Variants in ADGRV1 observed in about 807,000 individuals in gnomAD.
ADGRV1 encodes adhesion G protein-coupled receptor V1, also known as G-protein coupled receptor 98.
In ADGRV1, 359 loss-of-function variants were observed where a neutral mutation model predicts 596.2. The ratio of observed to expected loss-of-function variants is 0.60; its 90% CI spans 0.55 to 0.66. The LOEUF (loss-of-function observed/expected upper bound fraction) is 0.66. Among genes scored for constraint, ADGRV1 ranks in the 30% least tolerant of loss-of-function variants. The probability of loss-of-function intolerance (pLI) is 0.00; values close to 1 mark genes in which losing one functional copy is unlikely to be tolerated. For synonymous variants in ADGRV1, 2,681 were observed against 2,679.2 expected (o/e 1.00, Z -0.02); for missense variants, 7,274 against 7,575.6 (o/e 0.96, Z 1.48).
chr5:90,844,632 C>T (rs117745537), intron 78 of ADGRV1, among the ~76,000 whole-genome samples: 2 of 152,300 alleles, frequency 1.3e-5, no homozygotes, highest in East Asian at 3.9e-4. Context: ...TCAATTTCGT[C>T]AGGTTTTGAT....
intron 85 of ADGRV1, among the ~76,000 whole-genome samples, chr5:90,998,635 A>G (rs1383982577): frequency 6.6e-6 from 1 of 152,060 alleles, no homozygotes; most frequent in Admixed American, 6.6e-5. Flanking sequence ...ATATTTTTAT[A>G]GGGAAAATTT....
intron 85 of ADGRV1, among the ~76,000 whole-genome samples, chr5:90,988,873 G>T (rs1293156828): frequency 2.1e-5 from 3 of 142,628 alleles, no homozygotes; most frequent in Non-Finnish European, 4.5e-5. Context: ...TCCCACCTAT[G>T]AGTAAGAACA....
chr5:90,982,543 G>A (rs1240393888), intron 84 of ADGRV1, among the ~76,000 whole-genome samples: 2 of 152,228 alleles, frequency 1.3e-5, no homozygotes, highest in African/African-American at 4.8e-5. Context: ...CATTGAAATT[G>A]TAAAGGCATT....
At chr5:90,966,572 A>C (rs879789021) in intron 84 of ADGRV1, among the ~76,000 whole-genome samples, 11 of 151,090 alleles carry the variant, frequency 7.3e-5, no homozygotes, top group Admixed American at 1.3e-4. Context: ...AAAGAAATGC[A>C]CTGGGAAGCT....
At chr5:90,644,556 A>G in intron 14 of ADGRV1, 150 bp from the exon 15 acceptor site, 1 of 601,408 alleles carries the variant, frequency 1.7e-6, no homozygotes, top group Non-Finnish European at 2.9e-6. Flanking sequence ...ATATTTTTAT[A>G]TGTACCTTAA....
At chr5:90,767,739 C>T (rs993859369) in intron 59 of ADGRV1, among the ~76,000 whole-genome samples, 3 of 150,398 alleles carry the variant, frequency 2.0e-5, no homozygotes, top group African/African-American at 7.4e-5. Context: ...AGCACAGAAA[C>T]GAATACCTTT....
At position 90,625,273 on chromosome 5, in the gene ADGRV1, C is replaced by G. The variant is rs555037066; in HGVS notation, c.672+30C>G. ...GCTAATGTTACATACCCAAATGGGA[C>G]AAGGATTCTGTGTTGCAGGACACAG... On this transcript the variant is annotated intron_variant, in intron 6 of 89. Coordinates refer to ENST00000405460, the MANE Select transcript of ADGRV1 (RefSeq NM_032119.4). 2.5e-5 allele frequency: 34 copies of G among 1,382,218 alleles called. 1 individual carries two copies. In the East Asian group the frequency reaches 7.6e-4, roughly 31 times the overall value. 85.6% of individuals were successfully genotyped at this position (1,382,218 alleles called of 1,614,324 possible).
chr5:91,147,244 A>C (rs2126877874), intron 87 of ADGRV1, among the ~76,000 whole-genome samples: 1 of 151,606 alleles, frequency 6.6e-6, no homozygotes, highest in African/African-American at 2.4e-5. Context: ...CATTGACTAA[A>C]TTTTTTGTGA....
At chr5:90,778,206 G>A (rs1758456693) in intron 62 of ADGRV1, among the ~76,000 whole-genome samples, 163 bp downstream of exon 62, 1 of 150,600 alleles carries the variant, frequency 6.6e-6, no homozygotes, top group African/African-American at 2.4e-5. Context: ...GCGTGCACGT[G>A]TGTGTGTGTG....
intron 83 of ADGRV1, among the ~76,000 whole-genome samples, chr5:90,914,866 G>T (rs1436898237): frequency 6.6e-6 from 1 of 152,112 alleles, no homozygotes; most frequent in Non-Finnish European, 1.5e-5. Context: ...TTGCCTTCAA[G>T]ATCTCTTAAA....
chr5:90,964,782 T>G (rs1778312993), intron 83 of ADGRV1, among the ~76,000 whole-genome samples: 1 of 146,310 alleles, frequency 6.8e-6, no homozygotes, highest in East Asian at 2.1e-4. Context: ...TGTGTGCTGG[T>G]TAAAAAAGAG....
intron 84 of ADGRV1, among the ~76,000 whole-genome samples, chr5:90,976,930 G>T (rs550430669): frequency 6.6e-6 from 1 of 152,152 alleles, no homozygotes; most frequent in Non-Finnish European, 1.5e-5. Flanking sequence ...GTAGAATAAG[G>T]TTAGAAATTA....
At chr5:90,789,968 G>A in intron 69 of ADGRV1, 117 bp downstream of exon 69, 1 of 636,896 alleles carries the variant, frequency 1.6e-6, no homozygotes, top group African/African-American at 1.9e-5. Flanking sequence ...AAAGTTACGT[G>A]AGTTTTCAGA....
Position 90,748,918 on chromosome 5 carries a change from TA to T in ADGRV1, c.10975-1632del, listed in dbSNP as rs548106861. On this transcript the variant is annotated intron_variant, in intron 52 of 89. Transcript: ENST00000405460. ...ACCCAGAAAAGTGCCTGGCACACAT[TA>T]GGGGCTTAGGATGAACCTGTCATTC... is the stretch of plus-strand genomic sequence containing the variant. 3.0e-4 allele frequency among the ~76,000 whole-genome samples: 45 copies of T among 151,388 alleles called. 1 individual carries two copies. In the East Asian group the frequency reaches 8.4e-3, roughly 28 times the overall value.
At chr5:90,698,791 T>G (rs963405147) in intron 34 of ADGRV1, among the ~76,000 whole-genome samples, 1 of 151,840 alleles carries the variant, frequency 6.6e-6, no homozygotes, top group Non-Finnish European at 1.5e-5. Context: ...AAAAATTACC[T>G]GAGAGGAGAG....
chr5:90,619,905 T>C (rs1400900617), intron 4 of ADGRV1, among the ~76,000 whole-genome samples: 3 of 152,066 alleles, frequency 2.0e-5, no homozygotes, highest in Non-Finnish European at 4.4e-5. Flanking sequence ...TCCAGCTTCA[T>C]CCATGTCCCT....
chr5:90,789,493 T>G (rs1424025173), intron 68 of ADGRV1, among the ~76,000 whole-genome samples: 1 of 152,206 alleles, frequency 6.6e-6, no homozygotes, highest in Admixed American at 6.5e-5. Flanking sequence ...ATTCCCATCA[T>G]CTTTGGGGAA....
At chr5:90,668,901 T>G (rs1360018415) in intron 21 of ADGRV1, among the ~76,000 whole-genome samples, 2 of 152,202 alleles carry the variant, frequency 1.3e-5, no homozygotes, top group African/African-American at 4.8e-5. Flanking sequence ...AATCCTCATC[T>G]TAGTCCTAAA....
intron 1 of ADGRV1, among the ~76,000 whole-genome samples, chr5:90,570,417 T>C (rs564394001): frequency 6.6e-6 from 1 of 152,274 alleles, no homozygotes; most frequent in Non-Finnish European, 1.5e-5. Context: ...TTGTGTTTAT[T>C]TTACTTAGAG....
Sources: allele counts gnomAD v4.1 joint callset (sites outside exome capture counted in the v4.1 genomes callset), GRCh38; gene constraint gnomAD v4.1.1; transcripts MANE v1.5; gene names NCBI Gene and HGNC (gene_info 2026-07-23, HGNC 2026-07-21).